The following PHYHIPL variants were observed in gnomAD, a reference collection of about 807,000 sequenced individuals.
The protein encoded by PHYHIPL is phytanoyl-CoA 2-hydroxylase interacting protein like.
PHYHIPL carries 9 observed loss-of-function variants against 33.4 expected under a neutral mutation model. That is an observed-to-expected ratio of 0.27 (90% CI 0.16 to 0.47). The LOEUF (loss-of-function observed/expected upper bound fraction) is 0.47. Among genes scored for constraint, PHYHIPL ranks in the 20% least tolerant of loss-of-function variants. The pLI is 0.99. For missense variants in PHYHIPL, 365 were observed against 460.7 expected (o/e 0.79, Z 1.90); for synonymous variants, 153 against 154.1 (o/e 0.99, Z 0.05).
intron 1 of PHYHIPL, among the ~76,000 whole-genome samples, chr10:59,209,463 A>C (rs1839384116): frequency 6.6e-6 from 1 of 152,222 alleles, no homozygotes; most frequent in Admixed American, 6.5e-5. Context: ...GGTACCAGCC[A>C]CTGCAAAAAC....
At chr10:59,185,140 G>A (rs1295248771) in intron 1 of PHYHIPL, among the ~76,000 whole-genome samples, 4 of 151,260 alleles carry the variant, frequency 2.6e-5, no homozygotes, top group East Asian at 1.9e-4. Flanking sequence ...ACAGGCGCCC[G>A]CCACTACGCC....
chr10:59,209,215 C>T (rs1425214440), intron 1 of PHYHIPL, among the ~76,000 whole-genome samples: 1 of 152,234 alleles, frequency 6.6e-6, no homozygotes, highest in East Asian at 1.9e-4. Flanking sequence ...GCCCATCAGA[C>T]TAACAGCTGA....
intron 1 of PHYHIPL, chr10:59,177,377 G>A: frequency 5.0e-6 from 6 of 1,204,692 alleles, no homozygotes; most frequent in South Asian, 4.9e-5. Flanking sequence ...ACACTAGTTG[G>A]CATTCTCTTC....
intron 1 of PHYHIPL, chr10:59,206,765 GAACTTACATCCA>G: frequency 1.6e-6 from 2 of 1,227,894 alleles, no homozygotes; most frequent in Non-Finnish European, 2.1e-6. Context: ...TGTTTTTGAA[GAACTTACATCCA>G]AACAGACAAG....
intron 1 of PHYHIPL, among the ~76,000 whole-genome samples, chr10:59,186,001 T>G (rs1465002732): frequency 6.6e-6 from 1 of 152,246 alleles, no homozygotes; most frequent in Admixed American, 6.5e-5. Context: ...TGGCTTTTGT[T>G]GCCATTGCTT....
At chr10:59,199,369 A>T (rs1389200465) in intron 1 of PHYHIPL, among the ~76,000 whole-genome samples, 2 of 151,962 alleles carry the variant, frequency 1.3e-5, no homozygotes, top group Non-Finnish European at 2.9e-5. Flanking sequence ...ATGGTTGTAG[A>T]TGTGTGGTAT....
chr10:59,229,801 G>T (rs1392923575), intron 1 of PHYHIPL, among the ~76,000 whole-genome samples: 1 of 152,186 alleles, frequency 6.6e-6, no homozygotes, highest in East Asian at 1.9e-4. Flanking sequence ...GTGTGTGAGT[G>T]GTTGAAGTAT....
intron 1 of PHYHIPL, among the ~76,000 whole-genome samples, chr10:59,215,844 A>AT (rs949790166): frequency 7.2e-5 from 11 of 152,016 alleles, no homozygotes; most frequent in African/African-American, 2.4e-4. Flanking sequence ...AGAAAAAAAA[A>AT]AAACAGATTT....
At chr10:59,219,090 T>C (rs1839692766) in intron 1 of PHYHIPL, 3 of 178,666 alleles carry the variant, frequency 1.7e-5, no homozygotes, top group Non-Finnish European at 2.2e-5. Flanking sequence ...ATATTATATG[T>C]TTGCTTTGAA....
intron 1 of PHYHIPL, among the ~76,000 whole-genome samples, chr10:59,197,359 T>C (rs1383598226): frequency 1.3e-5 from 2 of 152,200 alleles, no homozygotes; most frequent in East Asian, 3.8e-4. Flanking sequence ...TCAGTACCTG[T>C]CTTCCCTGTT....
upstream of PHYHIPL, among the ~76,000 whole-genome samples, chr10:59,176,311 G>A (rs1838247612): frequency 6.6e-6 from 1 of 152,170 alleles, no homozygotes; most frequent in African/African-American, 2.4e-5. Flanking sequence ...CTCGGGCTTC[G>A]CCAGGCACCG....
At chr10:59,191,516 C>A (rs1838783512) in intron 1 of PHYHIPL, among the ~76,000 whole-genome samples, 1 of 151,910 alleles carries the variant, frequency 6.6e-6, no homozygotes. Context: ...ATGGAATTGT[C>A]AGCAACCATA....
intron 1 of PHYHIPL, among the ~76,000 whole-genome samples, chr10:59,221,242 A>G (rs1839763450): frequency 6.6e-6 from 1 of 152,002 alleles, no homozygotes; most frequent in South Asian, 2.1e-4. Context: ...GATTTGCTGG[A>G]TAGTTTTAAT....
Position 59,204,889 on chromosome 10 carries a change from AT to A in PHYHIPL, c.106+27934del, listed in dbSNP as rs1839243107. Among the ~76,000 whole-genome samples, 15 of 147,084 alleles carry A rather than the reference AT, an allele frequency of 1.0e-4. No homozygotes were observed. In the South Asian group the frequency reaches 3.2e-3, roughly 31 times the overall value. On this transcript the variant is annotated intron_variant, in intron 1 of 4. Transcript: ENST00000373880. ...TTTTTTTTTTTTTTTTTTTGAGACA[AT>A]TTTCGCTCTTATTGCTCTGGCTGGA...
chr10:59,200,470 T>C (rs1455546570), intron 1 of PHYHIPL, among the ~76,000 whole-genome samples: 5 of 152,302 alleles, frequency 3.3e-5, no homozygotes, highest in African/African-American at 2.4e-5. Context: ...AGGATTTTAT[T>C]TTGGATTTTT....
At chr10:59,187,282 G>A (rs1299672556) in intron 1 of PHYHIPL, among the ~76,000 whole-genome samples, 1 of 152,166 alleles carries the variant, frequency 6.6e-6, no homozygotes, top group Non-Finnish European at 1.5e-5. Flanking sequence ...ATTTGCGTAT[G>A]TTGAACCAGC....
intron 1 of PHYHIPL, among the ~76,000 whole-genome samples, chr10:59,205,004 ACAGGCACCTATCAC>A (rs1839247667): frequency 6.6e-6 from 1 of 151,522 alleles, no homozygotes; most frequent in Non-Finnish European, 1.5e-5. Context: ...GGCTGGGATT[ACAGGCACCTATCAC>A]CTAATTTTGT....
intron 1 of PHYHIPL, among the ~76,000 whole-genome samples, chr10:59,216,445 G>A (rs532004823): frequency 1.1e-4 from 16 of 152,154 alleles, no homozygotes; most frequent in African/African-American, 3.6e-4. Context: ...GGATCCTCTG[G>A]AATAAGAGTC....
At chr10:59,231,177 A>C (rs1205140986) in intron 1 of PHYHIPL, among the ~76,000 whole-genome samples, 3 of 152,196 alleles carry the variant, frequency 2.0e-5, no homozygotes, top group African/African-American at 7.2e-5. Context: ...AGAGGAAGAC[A>C]CACAAGCACA....
Sources: gnomAD v4.1 joint callset for allele counts (sites outside exome capture counted in the v4.1 genomes callset) on GRCh38, gnomAD v4.1.1 for gene constraint, MANE v1.5 for transcripts, NCBI Gene and HGNC (gene_info 2026-07-23, HGNC 2026-07-21) for gene names.